RUFY1: variants seen among roughly 807,000 people sequenced by gnomAD.
The protein encoded by RUFY1 is RUN and FYVE domain-containing protein 1.
A neutral mutation model predicts 94.6 loss-of-function variants in RUFY1; 54 were observed. The ratio of observed to expected loss-of-function variants is 0.57; its 90% CI spans 0.46 to 0.72. The LOEUF (loss-of-function observed/expected upper bound fraction) is 0.72, where lower values mean the gene tolerates loss of function less well. Among genes scored for constraint, RUFY1 ranks in the 30% least tolerant of loss-of-function variants. The probability of loss-of-function intolerance (pLI) is 0.00; values close to 1 mark genes in which losing one functional copy is unlikely to be tolerated. For synonymous variants in RUFY1, 396 were observed against 347.3 expected, an observed-to-expected ratio of 1.14 and a Z score of -1.56; for missense variants, 883 against 883.9, an observed-to-expected ratio of 1.00 and a Z score of 0.01.
chr5:179,574,198 C>T (rs987092587), intron 5 of RUFY1, among the ~76,000 whole-genome samples: 4 of 151,902 alleles, frequency 2.6e-5, no homozygotes, highest in African/African-American at 9.7e-5. Context: ...AGGTTGAGAC[C>T]GCCCTGACCA....
At chr5:179,608,553 G>A (rs1162191625) in intron 17 of RUFY1, 30 of 985,342 alleles carry the variant, frequency 3.0e-5, no homozygotes, top group South Asian at 9.4e-5. Flanking sequence ...CAAAGAGAAC[G>A]AACCAGACTC....
At chr5:179,598,846 G>C in intron 14 of RUFY1, 25 bp downstream of exon 14, 4 of 1,613,540 alleles carry the variant, frequency 2.5e-6, no homozygotes, top group Non-Finnish European at 3.4e-6. Context: ...CCCGGGAGAG[G>C]AGAGCCTCTG....
chr5:179,565,760 T>A (rs1447913900), intron 3 of RUFY1, among the ~76,000 whole-genome samples: 1 of 152,184 alleles, frequency 6.6e-6, no homozygotes, highest in African/African-American at 2.4e-5. Context: ...GAAACATACT[T>A]CTTTGTGTCC....
chr5:179,589,941 C>T (rs1396996734), intron 9 of RUFY1, among the ~76,000 whole-genome samples: 3 of 152,186 alleles, frequency 2.0e-5, no homozygotes, highest in South Asian at 4.1e-4. Context: ...GAGCCGTGGG[C>T]GGGCCTGGGC....
chr5:179,579,660 T>C (rs75309879), intron 6 of RUFY1, among the ~76,000 whole-genome samples: 4 of 79,620 alleles, frequency 5.0e-5, no homozygotes, highest in East Asian at 4.0e-4. Context: ...TCTTCTTCTT[T>C]TTTTTTTTTT....
chr5:179,586,625 G>A (rs1056799787), intron 8 of RUFY1: 2 of 344,882 alleles, frequency 5.8e-6, no homozygotes, highest in African/African-American at 4.3e-5. Context: ...CCCCGTGTAA[G>A]CCTCCCTTAA....
chr5:179,586,618 C>A (rs1452239939), intron 8 of RUFY1: 1 of 344,364 alleles, frequency 2.9e-6, no homozygotes, highest in Admixed American at 3.8e-5. Context: ...TGAGGGACCC[C>A]GTGTAAGCCT....
At chr5:179,605,836 C>G (rs1243806121) in intron 15 of RUFY1, 40 bp from the exon 16 acceptor site, 5 of 1,383,850 alleles carry the variant, frequency 3.6e-6, no homozygotes, top group African/African-American at 2.8e-5. Flanking sequence ...GAGCCTCACT[C>G]TCTCTCACTG....
At chr5:179,560,725 CAAAA>C (rs68093858) in intron 2 of RUFY1, among the ~76,000 whole-genome samples, 3 of 78,794 alleles carry the variant, frequency 3.8e-5, no homozygotes, top group African/African-American at 4.6e-5. Flanking sequence ...GACTCCGTCT[CAAAA>C]AAAAAAAAAA....
At chr5:179,581,079 T>G in intron 7 of RUFY1, 67 bp downstream of exon 7, 1 of 947,970 alleles carries the variant, frequency 1.1e-6, no homozygotes, top group Non-Finnish European at 1.7e-6. Context: ...TTCATGGAAC[T>G]TCGAGTTGCC....
chr5:179,571,397 G>T (rs1010989057), intron 5 of RUFY1, among the ~76,000 whole-genome samples: 3 of 152,000 alleles, frequency 2.0e-5, no homozygotes, highest in African/African-American at 7.3e-5. Flanking sequence ...TACTCTGGAG[G>T]CTGAGGTGGG....
rs148285472 is a variant in RUFY1 at position 179,569,346 on chromosome 5, T to C, written c.749T>C (p.Met250Thr). 1.9e-5 allele frequency: 31 copies of C among 1,613,578 alleles called. No individual in the cohort carries two copies. Among genetic ancestry groups the C allele is most frequent in the Non-Finnish European group, 2.4e-5 (28 of 1,179,964 alleles). The change falls in exon 5 of 18, where the codon ATG becomes ACG. Residue 250 changes from methionine to threonine, a missense_variant. Coordinates refer to ENST00000319449, the MANE Select transcript of RUFY1 (RefSeq NM_025158.5). ...PEALMMEEEG[M>T]VIVGLLVGLN... is the part of the protein sequence containing the mutation. ...GCTTTAATGATGGAGGAAGAAGGGA[T>C]GGTGATTGTTGGTCTGCTGGTGGGA...
intron 1 of RUFY1, among the ~76,000 whole-genome samples, chr5:179,552,763 TAAAATG>T (rs1761925875): frequency 6.6e-6 from 1 of 152,232 alleles, no homozygotes; most frequent in African/African-American, 2.4e-5. Flanking sequence ...ATTAAAAAGA[TAAAATG>T]AAATGTGTCA....
At chr5:179,599,386 TCTC>T (rs1158412528) in intron 14 of RUFY1, 8 of 152,564 alleles carry the variant, frequency 5.2e-5, no homozygotes, top group African/African-American at 1.7e-4. Context: ...CCAGTAAACA[TCTC>T]CTACCACATG....
Position 179,574,360 on chromosome 5 carries a change from A to G in RUFY1, c.829-2715A>G, listed in dbSNP as rs373386035. On this transcript the variant is annotated intron_variant, in intron 5 of 17. Coordinates refer to ENST00000319449, the MANE Select transcript of RUFY1 (RefSeq NM_025158.5). ...CAGTGAGCTGAGACCGTGCCACTGC[A>G]CTCCACTCTGGGCAACAGAGCAAAA... Among the ~76,000 whole-genome samples the G allele has an allele frequency of 1.2e-4, 19 of 152,268 alleles. No individual in the cohort carries two copies. The East Asian group carries it at 2.3e-3, about 19-fold the overall frequency.
chr5:179,593,213 G>C (rs780777636), intron 10 of RUFY1, among the ~76,000 whole-genome samples: 7 of 152,266 alleles, frequency 4.6e-5, no homozygotes, highest in Non-Finnish European at 1.0e-4. Context: ...GAGTAGCTGG[G>C]ATTACAGGCG....
chr5:179,585,980 G>A, intron 8 of RUFY1, 115 bp downstream of exon 8: 2 of 790,118 alleles, frequency 2.5e-6, no homozygotes, highest in South Asian at 3.0e-5. Flanking sequence ...GGACTTGCTA[G>A]CCTCCAGCTA....
rs576115442 is a variant in RUFY1, at chr5:179,607,412, C to T, written c.1906-170C>T. The T allele has an allele frequency of 5.4e-4, 342 of 633,394 alleles. 2 individuals carry two copies. The highest frequency in any genetic ancestry group is 3.4e-3 in the Middle Eastern group (11 of 3,268). The allele number at this position is 633,394 out of a possible 1,614,324, so 39.2% of individuals were successfully genotyped here. On this transcript the variant is annotated intron_variant, in intron 16 of 17. Transcript: ENST00000319449. ...TGCAGAAATCCCGGCTGCGGCCAGA[C>T]GGGGAAAGAGCCCCTTGATGACAGT...
chr5:179,603,308 T>C (rs868013368), intron 15 of RUFY1, among the ~76,000 whole-genome samples: 2 of 150,850 alleles, frequency 1.3e-5, no homozygotes, highest in African/African-American at 4.9e-5. Flanking sequence ...CTGATGTCTC[T>C]GGTGGGAATG....
Sources: allele counts gnomAD v4.1 joint callset (sites outside exome capture counted in the v4.1 genomes callset), GRCh38; gene constraint gnomAD v4.1.1; transcripts MANE v1.5; gene names NCBI Gene and HGNC (gene_info 2026-07-23, HGNC 2026-07-21).